The following NOMO2 variants were observed in gnomAD, a reference collection of about 807,000 sequenced individuals.
NOMO2 encodes NODAL modulator 2, also known as BOS complex subunit NOMO2.
Under a neutral mutation model 67.1 loss-of-function variants are expected in NOMO2, and 14 were observed. That is an observed-to-expected ratio of 0.21 (90% CI 0.14 to 0.33). The LOEUF (loss-of-function observed/expected upper bound fraction) is 0.33. Among genes scored for constraint, NOMO2 ranks in the 10% least tolerant of loss-of-function variants. NOMO2 has a pLI of 1.00. For synonymous variants in NOMO2, 80 were observed against 305.9 expected (o/e 0.26, Z 7.71); for missense variants, 178 against 761.0 (o/e 0.23, Z 9.01).
At chr16:18,556,482 T>C (rs1901906903) in intron 2 of NOMO2, among the ~76,000 whole-genome samples, 1 of 148,760 alleles carries the variant, frequency 6.7e-6, no homozygotes, top group Non-Finnish European at 1.5e-5. Flanking sequence ...TCTATGCTAA[T>C]GTTGAAAGCA....
chr16:18,547,527 C>T (rs563797020), intron 5 of NOMO2, among the ~76,000 whole-genome samples: 69 of 152,090 alleles, frequency 4.5e-4, no homozygotes, highest in Middle Eastern at 3.4e-3. Flanking sequence ...ATGTGCTGAT[C>T]GGAAAGAGGA....
intron 5 of NOMO2, among the ~76,000 whole-genome samples, chr16:18,548,278 C>T (rs2141746671): frequency 6.6e-6 from 1 of 151,018 alleles, no homozygotes; most frequent in African/African-American, 2.4e-5. Flanking sequence ...AATTACTAGC[C>T]CAGAAAAAAA....
Position 18,539,024 on chromosome 16 carries a change from G to A in NOMO2, c.964-60C>T. On this transcript the variant is annotated intron_variant, in intron 9 of 30. Transcript: ENST00000622306. ...GGTGCTCCTGTGCCAGAGCCACAAA[G>A]CCTCCTTCTGCTGCGCCGGCCACCA... is the stretch of plus-strand genomic sequence containing the variant. 6 of 1,583,150 alleles carry A rather than the reference G, an allele frequency of 3.8e-6. No homozygotes were observed. The South Asian group carries it at 5.5e-5, about 15-fold the overall frequency.
intron 1 of NOMO2, chr16:18,558,890 G>C (rs938346771): frequency 1.5e-5 from 7 of 454,708 alleles, no homozygotes; most frequent in Non-Finnish European, 3.1e-5. Flanking sequence ...ATCAGTTTGC[G>C]GCCAGGCATG....
At chr16:18,560,591 A>G (rs919432107) in intron 1 of NOMO2, among the ~76,000 whole-genome samples, 1 of 151,766 alleles carries the variant, frequency 6.6e-6, no homozygotes, top group African/African-American at 2.4e-5. Flanking sequence ...GTATTCATTC[A>G]ATGCCTGACC....
chr16:18,548,656 G>T (rs1302694229), intron 5 of NOMO2, among the ~76,000 whole-genome samples: 9 of 152,236 alleles, frequency 5.9e-5, no homozygotes, highest in African/African-American at 1.9e-4. Flanking sequence ...TAATGATAAT[G>T]ATTTTTTCTA....
intron 1 of NOMO2, among the ~76,000 whole-genome samples, chr16:18,560,656 C>T (rs1199775700): frequency 2.0e-5 from 3 of 151,798 alleles, no homozygotes; most frequent in Admixed American, 6.6e-5. Flanking sequence ...AAGAAGATCA[C>T]GGATCCGCTT....
intron 15 of NOMO2, among the ~76,000 whole-genome samples, chr16:18,529,024 TATATATATATATATATA>T (rs1901227677): frequency 2.2e-5 from 1 of 46,284 alleles, no homozygotes; most frequent in Admixed American, 2.1e-4. Context: ...TATATATATA[TATATATATATATATATA>T]TCAGAGAAAC....
Position 18,524,530 on chromosome 16 carries a change from G to C in NOMO2, c.1917C>G (p.Arg639=). The change falls in exon 17 of 31, where the codon CGC becomes CGG. Residue 639 remains arginine (R), a synonymous_variant. Transcript: ENST00000622306. ...SKPGVYKVTP[R]SCHRFEQAFY... The stretch of plus-strand genomic sequence containing the variant: ...ACGCTTGCTCAAACCGGTGGCAGGA[G>C]CGAGGGGTCACTTTGTACACACCTA... The C allele has an allele frequency of 1.5e-6, 1 of 650,872 alleles. No individual in the cohort carries two copies. Among genetic ancestry groups the C allele is most frequent in the Non-Finnish European group, 2.8e-6 (1 of 362,634 alleles). The allele number at this position is 650,872 out of a possible 1,614,324, so 40.3% of individuals were successfully genotyped here.
At chr16:18,531,244 T>C (rs1901290191) in intron 13 of NOMO2, 76 bp from the exon 14 acceptor site, 2 of 660,578 alleles carry the variant, frequency 3.0e-6, no homozygotes. Flanking sequence ...TAACCCTATG[T>C]AATAGCTTCT....
intron 1 of NOMO2, among the ~76,000 whole-genome samples, chr16:18,560,483 C>T (rs1902012921): frequency 6.6e-6 from 1 of 151,506 alleles, no homozygotes; most frequent in African/African-American, 2.4e-5. Context: ...GCCATACCAC[C>T]CTGAACGTGT....
At chr16:18,536,333 T>G (rs1275571537) in intron 11 of NOMO2, among the ~76,000 whole-genome samples, 3 of 152,246 alleles carry the variant, frequency 2.0e-5, no homozygotes, top group Non-Finnish European at 2.9e-5. Context: ...CCAGAGAGCC[T>G]TGCAGAGCTC....
chr16:18,526,776 T>G lies in NOMO2; in HGVS notation c.1894+761A>C, dbSNP rs1901155654. Among the ~76,000 whole-genome samples the G allele has an allele frequency of 3.9e-5, 6 of 152,176 alleles. No homozygotes were observed. In the South Asian group the frequency reaches 1.3e-3, roughly 32 times the overall value. On this transcript the variant is annotated intron_variant, in intron 16 of 30. Coordinates refer to ENST00000622306, the MANE Select transcript of NOMO2 (RefSeq NM_173614.4). ...TAACTGTCAATGGGCACAGAGGATC[T>G]TACATTGTGGGTGATGAACAAATCT...
At chr16:18,553,861 A>G (rs1901845903) in intron 3 of NOMO2, among the ~76,000 whole-genome samples, 1 of 141,510 alleles carries the variant, frequency 7.1e-6, no homozygotes, top group Non-Finnish European at 1.5e-5. Flanking sequence ...CACAGAGCCA[A>G]ATTAGCTGTC....
chr16:18,540,022 C>T (rs1901513224), intron 9 of NOMO2, among the ~76,000 whole-genome samples: 1 of 151,526 alleles, frequency 6.6e-6, no homozygotes, highest in African/African-American at 2.4e-5. Context: ...CTCCCACTAG[C>T]ATGTTACCTC....
chr16:18,529,029 A>ATG (rs1435273079), intron 15 of NOMO2, among the ~76,000 whole-genome samples: 12 of 38,774 alleles, frequency 3.1e-4, no homozygotes, highest in African/African-American at 9.3e-4. Flanking sequence ...ATATATATAT[A>ATG]TATATATATA....
intron 16 of NOMO2, among the ~76,000 whole-genome samples, chr16:18,526,985 G>A (rs1452992904): frequency 6.6e-6 from 1 of 150,856 alleles, no homozygotes; most frequent in Non-Finnish European, 1.5e-5. Context: ...GGGAGGCTGA[G>A]GCGGGCGGAT....
rs543438054 is a variant in NOMO2, at chr16:18,553,309, A to G, written c.301+1498T>C. On this transcript the variant is annotated intron_variant, in intron 3 of 30. Coordinates refer to ENST00000622306, the MANE Select transcript of NOMO2 (RefSeq NM_173614.4). ...ATAAAATATAAATATTTTATAAAAT[A>G]TAAATAATTTTATATTTATGCATCA... Among the ~76,000 whole-genome samples, 529 of 151,256 alleles carry G rather than the reference A, an allele frequency of 3.5e-3. 3 individuals carry two copies. The highest frequency in any genetic ancestry group is 6.6e-3 in the Non-Finnish European group (450 of 67,786).
chr16:18,545,375 G>A (rs1454752368), intron 6 of NOMO2, among the ~76,000 whole-genome samples: 10 of 151,732 alleles, frequency 6.6e-5, no homozygotes, highest in Non-Finnish European at 1.3e-4. Flanking sequence ...TGGAATTACA[G>A]CATGAGCAAC....
Sources: allele counts gnomAD v4.1 joint callset (sites outside exome capture counted in the v4.1 genomes callset), GRCh38; gene constraint gnomAD v4.1.1; transcripts MANE v1.5; gene names NCBI Gene and HGNC (gene_info 2026-07-23, HGNC 2026-07-21).